Variants in GPR158 observed in about 807,000 individuals in gnomAD.
The protein encoded by GPR158 is metabotropic glycine receptor.
Under a neutral mutation model 78.2 loss-of-function variants are expected in GPR158, and 30 were observed. The ratio of observed to expected loss-of-function variants is 0.38; its 90% confidence interval spans 0.29 to 0.52. The LOEUF is 0.52. Among genes scored for constraint, GPR158 ranks in the 20% least tolerant of loss-of-function variants. The pLI, the probability that GPR158 is intolerant of heterozygous loss-of-function variation, is 0.83. For missense variants in GPR158, 1,463 were observed against 1,523.5 expected (o/e 0.96, Z 0.66); for synonymous variants, 581 against 591.1 (o/e 0.98, Z 0.25).
chr10:25,318,431 T>C (rs778904237), intron 2 of GPR158, among the ~76,000 whole-genome samples: 26 of 152,238 alleles, frequency 1.7e-4, no homozygotes, highest in Non-Finnish European at 3.5e-4. Context: ...ACACCTAGGA[T>C]AGACGTTGTG....
At chr10:25,291,511 C>T (rs562092057) in intron 2 of GPR158, among the ~76,000 whole-genome samples, 1 of 152,078 alleles carries the variant, frequency 6.6e-6, no homozygotes, top group African/African-American at 2.4e-5. Flanking sequence ...CCATGAGTTT[C>T]ACGAGGCTGC....
At chr10:25,424,665 G>A (rs543892173) in intron 4 of GPR158, among the ~76,000 whole-genome samples, 1 of 151,274 alleles carries the variant, frequency 6.6e-6, no homozygotes, top group Non-Finnish European at 1.5e-5. Flanking sequence ...TCTTGTTTTT[G>A]TCAGGTTTGT....
At chr10:25,351,130 C>T (rs1056450081) in intron 2 of GPR158, among the ~76,000 whole-genome samples, 2 of 151,824 alleles carry the variant, frequency 1.3e-5, no homozygotes, top group African/African-American at 4.8e-5. Context: ...GGGCAGGCAC[C>T]CCCTTCTCTA....
chr10:25,197,340 G>C (rs1852856883), intron 1 of GPR158, among the ~76,000 whole-genome samples: 1 of 152,064 alleles, frequency 6.6e-6, no homozygotes, highest in Admixed American at 6.6e-5. Flanking sequence ...AATATAAATT[G>C]AGGAGAATAG....
chr10:25,317,531 T>C (rs1854871928), intron 2 of GPR158, among the ~76,000 whole-genome samples: 1 of 152,084 alleles, frequency 6.6e-6, no homozygotes, highest in Non-Finnish European at 1.5e-5. Context: ...TCTTACTCCT[T>C]CCTGATTAGT....
In GPR158 at chr10:25,211,596, C is replaced by T. The variant is rs559780991; in HGVS notation, c.903-9456C>T. Among the ~76,000 whole-genome samples the T allele has an allele frequency of 2.0e-4, 31 of 152,348 alleles. No individual in the cohort carries two copies. In the South Asian group the frequency reaches 6.4e-3, roughly 32 times the overall value. On this transcript the variant is annotated intron_variant, in intron 1 of 10. Transcript: ENST00000376351. ...ATGACCAGTCACCTCTTACAGGTCC[C>T]ATCTCTTATCACCGTTGCACTGGGG...
intron 1 of GPR158, among the ~76,000 whole-genome samples, chr10:25,211,454 C>T (rs1034598922): frequency 2.0e-5 from 3 of 152,252 alleles, no homozygotes; most frequent in East Asian, 3.9e-4. Context: ...AGAGCCTACT[C>T]GTGCACAGGA....
intron 2 of GPR158, among the ~76,000 whole-genome samples, chr10:25,262,449 C>A (rs1376563103): frequency 6.6e-6 from 1 of 151,862 alleles, no homozygotes; most frequent in East Asian, 1.9e-4. Flanking sequence ...TAAAGGAAAC[C>A]CAGGAGAAAG....
rs573506124 is a variant in GPR158, at chr10:25,521,192, C to T, written c.1405-29784C>T. Among the ~76,000 whole-genome samples the T allele has an allele frequency of 2.1e-3, 320 of 152,360 alleles. 2 individuals carry two copies. Among genetic ancestry groups the T allele is most frequent in the African/African-American group, 7.4e-3 (307 of 41,586 alleles). On this transcript the variant is annotated intron_variant, in intron 5 of 10. Coordinates refer to ENST00000376351, the MANE Select transcript of GPR158 (RefSeq NM_020752.3). ...AAACTCCCTGACCCCTTGCGCTTCC[C>T]AGGTGAGGCAATGCCTCGCCCTGCT...
chr10:25,453,948 G>T (rs992990483), intron 4 of GPR158, among the ~76,000 whole-genome samples: 1 of 151,942 alleles, frequency 6.6e-6, no homozygotes, highest in Non-Finnish European at 1.5e-5. Context: ...TTTGGATTTT[G>T]TTTCTATTTC....
chr10:25,417,030 GA>G (rs34227377), intron 4 of GPR158, among the ~76,000 whole-genome samples: 44 of 147,372 alleles, frequency 3.0e-4, no homozygotes, highest in Admixed American at 1.6e-3. Context: ...CAAATGGGAG[GA>G]AAAAAAAAAT....
At chr10:25,573,388 A>T (rs1228272793) in intron 7 of GPR158, among the ~76,000 whole-genome samples, 1 of 152,256 alleles carries the variant, frequency 6.6e-6, no homozygotes. Context: ...ACCTCAAAAG[A>T]CAACTTATTT....
In GPR158 at chr10:25,598,691, A is replaced by G; in HGVS notation, c.3065A>G (p.Glu1022Gly). The G allele has an allele frequency of 6.2e-7, 1 of 1,613,954 alleles. No homozygotes were observed. The highest frequency in any genetic ancestry group is 8.5e-7 in the Non-Finnish European group (1 of 1,179,982). ...YDLTPGPVPS[E>G]SKVQKHVSIV... ...CTGACCCCTGGTCCTGTGCCTTCAG[A>G]ATCAAAAGTTCAAAAGCACGTATCT... is the stretch of plus-strand genomic sequence containing the variant. The change falls in exon 11 of 11, where the codon GAA becomes GGA. Residue 1022 changes from glutamate (E) to glycine (G), a missense_variant. Coordinates refer to ENST00000376351, the MANE Select transcript of GPR158 (RefSeq NM_020752.3).
intron 6 of GPR158, among the ~76,000 whole-genome samples, chr10:25,555,092 GAGAA>G (rs1038074461): frequency 3.3e-5 from 5 of 151,908 alleles, no homozygotes; most frequent in Admixed American, 2.6e-4. Context: ...AAGAAGGAAG[GAGAA>G]AGAAAGAAAA....
chr10:25,495,200 C>T (rs1222059826), intron 5 of GPR158, among the ~76,000 whole-genome samples: 1 of 150,192 alleles, frequency 6.7e-6, no homozygotes, highest in African/African-American at 2.5e-5. Context: ...ATTCAGTTTA[C>T]CGAAGTTTAT....
At chr10:25,215,749 C>T (rs188566491) in intron 1 of GPR158, among the ~76,000 whole-genome samples, 120 of 152,240 alleles carry the variant, frequency 7.9e-4, no homozygotes, top group Non-Finnish European at 1.0e-3. Flanking sequence ...GCAGGAGAAT[C>T]ACTTCAGCTG....
intron 2 of GPR158, among the ~76,000 whole-genome samples, chr10:25,235,073 T>A (rs1247646213): frequency 6.6e-6 from 1 of 152,222 alleles, no homozygotes; most frequent in Non-Finnish European, 1.5e-5. Flanking sequence ...GATATTTTGT[T>A]ACCCTTGCCA....
chr10:25,344,247 C>A (rs1855341421), intron 2 of GPR158, among the ~76,000 whole-genome samples: 1 of 151,826 alleles, frequency 6.6e-6, no homozygotes, highest in Admixed American at 6.6e-5. Flanking sequence ...ATTATATTAA[C>A]AAATTATCTT....
chr10:25,261,400 A>G (rs1853965495), intron 2 of GPR158, among the ~76,000 whole-genome samples: 1 of 152,150 alleles, frequency 6.6e-6, no homozygotes, highest in Non-Finnish European at 1.5e-5. Flanking sequence ...TAGGTCTACT[A>G]TACCTATGGT....
Sources: allele counts gnomAD v4.1 joint callset (sites outside exome capture counted in the v4.1 genomes callset), GRCh38; gene constraint gnomAD v4.1.1; transcripts MANE v1.5; gene names NCBI Gene and HGNC (gene_info 2026-07-23, HGNC 2026-07-21).